CRPPA: variants seen among roughly 807,000 people sequenced by gnomAD.
The protein encoded by CRPPA is D-ribitol-5-phosphate cytidylyltransferase.
CRPPA carries 43 observed loss-of-function variants against 52.0 expected under a neutral mutation model. The ratio of observed to expected loss-of-function variants is 0.83; its 90% confidence interval spans 0.65 to 1.07. The LOEUF is 1.07. CRPPA is among the 50% of genes least tolerant of loss of function. CRPPA has a pLI of 0.00. For synonymous variants in CRPPA, 250 were observed against 203.5 expected, an observed-to-expected ratio of 1.23 and a Z score of -1.94; for missense variants, 629 against 551.7, an observed-to-expected ratio of 1.14 and a Z score of -1.40.
intron 3 of CRPPA, among the ~76,000 whole-genome samples, chr7:16,332,654 C>A (rs1482774409): frequency 1.3e-5 from 2 of 151,874 alleles, no homozygotes; most frequent in East Asian, 1.9e-4. Context: ...AAAGCTATTA[C>A]TGAGAGAGAA....
chr7:16,255,604 A>T (rs1783616633), intron 8 of CRPPA, among the ~76,000 whole-genome samples: 1 of 152,176 alleles, frequency 6.6e-6, no homozygotes. Flanking sequence ...TATATAGACC[A>T]ATGGAACAGA....
chr7:16,302,174 T>C (rs370333049), intron 4 of CRPPA, among the ~76,000 whole-genome samples: 1 of 151,880 alleles, frequency 6.6e-6, no homozygotes, highest in South Asian at 2.1e-4. Flanking sequence ...CGGGCGCCTG[T>C]AGTCCCAGCT....
intron 1 of CRPPA, among the ~76,000 whole-genome samples, chr7:16,415,680 T>C (rs955857759): frequency 2.6e-5 from 4 of 152,184 alleles, no homozygotes; most frequent in African/African-American, 7.2e-5. Flanking sequence ...CTTTCCTGGG[T>C]TCATTAAATC....
Position 16,091,707 on chromosome 7 carries a change from A to T in CRPPA, c.1344T>A (p.Leu448=). 1 of 1,549,270 alleles carries T rather than the reference A, an allele frequency of 6.5e-7. No individual in the cohort carries two copies. The highest frequency in any genetic ancestry group is 8.7e-7 in the Non-Finnish European group (1 of 1,143,704). ...KERNSGLIGQ[L]LIA Reference sequence around the variant, plus strand: ...TTTTTTGTGTTCTTCATGCTATCAGAAGCTGACCAATGAGTCCAGAATTTC... The same window carrying T: ...TTTTTTGTGTTCTTCATGCTATCAGTAGCTGACCAATGAGTCCAGAATTTC... Residue 448 remains leucine (L), a synonymous_variant, in exon 10 of 10, where the codon CTT becomes CTA. Transcript: ENST00000407010.
chr7:16,285,595 C>T (rs547252619), intron 5 of CRPPA, among the ~76,000 whole-genome samples: 2 of 151,994 alleles, frequency 1.3e-5, no homozygotes, highest in African/African-American at 4.8e-5. Context: ...AAAATTCATG[C>T]CAGAATATAA....
At chr7:16,180,923 C>T (rs901848366) in intron 9 of CRPPA, among the ~76,000 whole-genome samples, 3 of 151,874 alleles carry the variant, frequency 2.0e-5, no homozygotes, top group Admixed American at 1.3e-4. Context: ...GTGCCTTATT[C>T]TTGTGCTTTT....
intron 3 of CRPPA, among the ~76,000 whole-genome samples, chr7:16,336,704 T>C (rs935470775): frequency 1.1e-4 from 16 of 151,044 alleles, no homozygotes; most frequent in African/African-American, 3.9e-4. Context: ...GTGGTTGGAG[T>C]AAAAACTAAA....
At chr7:16,362,960 A>C (rs1786496966) in intron 3 of CRPPA, among the ~76,000 whole-genome samples, 1 of 152,204 alleles carries the variant, frequency 6.6e-6, no homozygotes, top group South Asian at 2.1e-4. Flanking sequence ...CTTAATTAAA[A>C]CATAATACTA....
intron 3 of CRPPA, among the ~76,000 whole-genome samples, chr7:16,343,851 A>C (rs562206584): frequency 1.3e-5 from 2 of 152,308 alleles, no homozygotes; most frequent in African/African-American, 4.8e-5. Flanking sequence ...CAAAGTGAGG[A>C]CTAAAGAAGA....
rs1480410708 is a variant in CRPPA, at chr7:16,200,326, C to T, written c.1251+15740G>A. Among the ~76,000 whole-genome samples, 3 of 152,186 alleles carry T rather than the reference C, an allele frequency of 2.0e-5. No individual in the cohort carries two copies. The East Asian group carries it at 5.8e-4, about 29-fold the overall frequency. On this transcript the variant is annotated intron_variant, in intron 9 of 9. Coordinates refer to ENST00000407010, the MANE Select transcript of CRPPA (RefSeq NM_001101426.4). ...CAAAGTGATTCCATTGGAAAACATTCTCTCACACCAGAAATTGGAAATGTT... is the reference window on the plus strand; with the variant it reads ...CAAAGTGATTCCATTGGAAAACATTTTCTCACACCAGAAATTGGAAATGTT...
intron 2 of CRPPA, among the ~76,000 whole-genome samples, chr7:16,400,515 A>T (rs1787784831): frequency 6.6e-6 from 1 of 152,222 alleles, no homozygotes; most frequent in Non-Finnish European, 1.5e-5. Context: ...GAACGACACG[A>T]CTGGCACATG....
intron 6 of CRPPA, among the ~76,000 whole-genome samples, chr7:16,270,994 G>A (rs1275732758): frequency 6.6e-6 from 1 of 151,792 alleles, no homozygotes; most frequent in African/African-American, 2.4e-5. Context: ...ACAACCTTGA[G>A]GGCATAAGGG....
chr7:16,171,009 G>C (rs1490651754), intron 9 of CRPPA, among the ~76,000 whole-genome samples: 2 of 152,214 alleles, frequency 1.3e-5, no homozygotes, highest in Non-Finnish European at 2.9e-5. Flanking sequence ...CCAGCCCAGA[G>C]AGGGGCTCCC....
intron 6 of CRPPA, chr7:16,277,490 T>C (rs965199696): frequency 7.2e-5 from 11 of 152,132 alleles, no homozygotes; most frequent in Admixed American, 1.3e-4. Flanking sequence ...TTAGAAGTTA[T>C]ATATTTTAAT....
intron 8 of CRPPA, among the ~76,000 whole-genome samples, chr7:16,254,816 A>AGAAC (rs1783581394): frequency 6.8e-6 from 1 of 147,862 alleles, no homozygotes; most frequent in Non-Finnish European, 1.5e-5. Context: ...AAAGAAAGAA[A>AGAAC]GAAAGAAAGA....
In CRPPA at chr7:16,186,434, C is replaced by T. The variant is rs150570252; in HGVS notation, c.1251+29632G>A. Among the ~76,000 whole-genome samples the T allele has an allele frequency of 6.8e-4, 103 of 152,232 alleles. 1 individual carries two copies. Among genetic ancestry groups the T allele is most frequent in the African/African-American group, 2.4e-3 (99 of 41,572 alleles). ...CTGCAAGAAGGCCCTCACCAGAATC[C>T]AACCATGCTGGCACCCTATCTTAGA... On this transcript the variant is annotated intron_variant, in intron 9 of 9. Coordinates refer to ENST00000407010, the MANE Select transcript of CRPPA (RefSeq NM_001101426.4).
intron 9 of CRPPA, among the ~76,000 whole-genome samples, chr7:16,164,201 T>A (rs1780991459): frequency 6.6e-6 from 1 of 152,192 alleles, no homozygotes; most frequent in East Asian, 1.9e-4. Context: ...GAGGCTTTGT[T>A]CCTTACTTTT....
rs1034326824 is a variant in CRPPA, at chr7:16,187,170, T to C, written c.1251+28896A>G. ...GATAAGGTTTTCTTTCCTCAAGTATTACCCCCATGATACCTAAATTATTGC... is the reference window on the plus strand; with the variant it reads ...GATAAGGTTTTCTTTCCTCAAGTATCACCCCCATGATACCTAAATTATTGC... On this transcript the variant is annotated intron_variant, in intron 9 of 9. Transcript: ENST00000407010. 2.6e-5 allele frequency among the ~76,000 whole-genome samples: 4 copies of C among 152,180 alleles called. 1 individual carries two copies. The highest frequency in any genetic ancestry group is 4.4e-5 in the Non-Finnish European group (3 of 68,020).
intron 8 of CRPPA, among the ~76,000 whole-genome samples, chr7:16,248,579 G>C (rs1045391273): frequency 1.1e-4 from 16 of 152,122 alleles, no homozygotes; most frequent in Non-Finnish European, 1.9e-4. Context: ...TAAAATATTG[G>C]GAAATAGTGA....
Sources: allele counts gnomAD v4.1 joint callset (sites outside exome capture counted in the v4.1 genomes callset), GRCh38; gene constraint gnomAD v4.1.1; transcripts MANE v1.5; gene names NCBI Gene and HGNC (gene_info 2026-07-23, HGNC 2026-07-21).